TFPI: variants seen among roughly 807,000 people sequenced by gnomAD.
The protein encoded by TFPI is anti-convertin.
TFPI carries 15 observed loss-of-function variants against 34.6 expected under a neutral mutation model. That is an observed-to-expected ratio of 0.43 (90% CI 0.29 to 0.67). The LOEUF is 0.67. TFPI is among the 30% of genes least tolerant of loss of function. The pLI, the probability that TFPI is intolerant of heterozygous loss-of-function variation, is 0.15. For synonymous variants in TFPI, 105 were observed against 120.1 expected, an observed-to-expected ratio of 0.87 and a Z score of 0.82; for missense variants, 301 against 364.0, an observed-to-expected ratio of 0.83 and a Z score of 1.41.
Position 187,467,106 on chromosome 2 carries a change from A to G in TFPI, c.809-64T>C, listed in dbSNP as rs1341112503. On this transcript the variant is annotated intron_variant, in intron 7 of 7. Coordinates refer to ENST00000233156, the MANE Select transcript of TFPI (RefSeq NM_006287.6). Reference sequence around the variant, plus strand: ...TAACACAATGAAATGTTTTATCTAAAATCTTCTCAAAGTAACTTTTAATAT... The same window carrying G: ...TAACACAATGAAATGTTTTATCTAAGATCTTCTCAAAGTAACTTTTAATAT... 2.8e-6 allele frequency: 3 copies of G among 1,083,474 alleles called. No individual in the cohort carries two copies. In the African/African-American group the frequency reaches 4.9e-5, roughly 18 times the overall value. The allele number at this position is 1,083,474 out of a possible 1,614,324, so 67.1% of individuals were successfully genotyped here.
At chr2:187,485,248 A>T (rs898499786) in intron 4 of TFPI, among the ~76,000 whole-genome samples, 1 of 151,758 alleles carries the variant, frequency 6.6e-6, no homozygotes, top group Non-Finnish European at 1.5e-5. Context: ...GGAATAAAAG[A>T]TTATTTTACC....
At chr2:187,478,842 A>G (rs199893386) in intron 6 of TFPI, 8 of 1,541,784 alleles carry the variant, frequency 5.2e-6, no homozygotes, top group Non-Finnish European at 7.2e-6. Context: ...AATGTGAGTC[A>G]TCTTTATATG....
At chr2:187,545,430 A>G (rs1688808506) in intron 1 of TFPI, among the ~76,000 whole-genome samples, 1 of 152,232 alleles carries the variant, frequency 6.6e-6, no homozygotes, top group Admixed American at 6.5e-5. Flanking sequence ...AAACAATCAT[A>G]GAAATAAGTA....
At chr2:187,545,132 G>T (rs6749781) in intron 1 of TFPI, among the ~76,000 whole-genome samples, 27,571 of 152,022 alleles carry the variant, frequency 0.18, 2,992 homozygotes, top group East Asian at 0.31. Context: ...AAAAGAAAAA[G>T]AAAAATAATT....
At position 187,465,710 on chromosome 2, in the gene TFPI, AAGC is replaced by A. The variant is rs1691690293; in HGVS notation, c.*1223_*1225del. The A allele has an allele frequency of 7.3e-6, 1 of 137,376 alleles. No individual in the cohort carries two copies. The highest frequency in any genetic ancestry group is 1.7e-5 in the Non-Finnish European group (1 of 60,060). 8.5% of individuals were successfully genotyped at this position (137,376 alleles called of 1,614,324 possible). A position where few individuals can be genotyped will look rare whatever the true frequency, so the allele number is the denominator to read the frequency against. ...CTATCATTGTTAGCGAGAAGTCATG[AAGC>A]TATTCATGAAGCTATTCATGAAGCT... is the stretch of plus-strand genomic sequence containing the variant. On this transcript the variant is annotated 3_prime_UTR_variant, in exon 8 of 8. Coordinates refer to ENST00000233156, the MANE Select transcript of TFPI (RefSeq NM_006287.6).
chr2:187,479,584 T>C (rs1025225855), intron 6 of TFPI, among the ~76,000 whole-genome samples: 13 of 132,530 alleles, frequency 9.8e-5, no homozygotes, highest in Non-Finnish European at 1.5e-4. Context: ...TATATATATA[T>C]ATATATGATT....
intron 1 of TFPI, among the ~76,000 whole-genome samples, chr2:187,534,084 C>T (rs1341841527): frequency 1.3e-5 from 2 of 152,014 alleles, no homozygotes; most frequent in Admixed American, 6.6e-5. Flanking sequence ...AGACCAAACC[C>T]ACATTTGATT....
intron 2 of TFPI, among the ~76,000 whole-genome samples, chr2:187,499,195 A>C (rs1685685949): frequency 6.6e-6 from 1 of 151,902 alleles, no homozygotes; most frequent in South Asian, 2.1e-4. Flanking sequence ...TTGCTTTAGA[A>C]GGTCTCTCAG....
chr2:187,482,343 TATA>T (rs1435969407), intron 6 of TFPI, among the ~76,000 whole-genome samples: 4 of 151,998 alleles, frequency 2.6e-5, no homozygotes, highest in African/African-American at 4.8e-5. Flanking sequence ...CTTTTGAAAA[TATA>T]ATAACTGAAT....
intron 1 of TFPI, chr2:187,526,795 G>A (rs1446204806): frequency 6.6e-6 from 1 of 151,806 alleles, no homozygotes; most frequent in Non-Finnish European, 1.5e-5. Flanking sequence ...ACTTTGCCAT[G>A]TCTAAAAGAA....
chr2:187,546,993 T>G (rs1331977042), intron 1 of TFPI: 2 of 152,234 alleles, frequency 1.3e-5, no homozygotes, highest in East Asian at 3.8e-4. Context: ...TTTAAAAATT[T>G]TTAAGGATTA....
intron 2 of TFPI, among the ~76,000 whole-genome samples, chr2:187,498,929 C>T (rs1452252898): frequency 6.6e-6 from 1 of 151,832 alleles, no homozygotes; most frequent in African/African-American, 2.4e-5. Flanking sequence ...ATTTGTGTGT[C>T]TTCAAATTTT....
intron 1 of TFPI, among the ~76,000 whole-genome samples, chr2:187,522,337 G>C (rs530334779): frequency 1.3e-5 from 2 of 152,072 alleles, no homozygotes; most frequent in African/African-American, 4.8e-5. Context: ...TACATTTTCA[G>C]GTAGTAACTA....
At chr2:187,552,444 C>T (rs924775089) in intron 1 of TFPI, among the ~76,000 whole-genome samples, 3 of 151,952 alleles carry the variant, frequency 2.0e-5, no homozygotes, top group Admixed American at 6.6e-5. Context: ...GAGTTTATTA[C>T]AAAATATGTT....
chr2:187,535,874 G>C (rs982683270), intron 1 of TFPI, among the ~76,000 whole-genome samples: 2 of 152,008 alleles, frequency 1.3e-5, no homozygotes, highest in African/African-American at 4.8e-5. Context: ...GAATCAAATA[G>C]ACACAATACA....
chr2:187,533,782 A>G (rs780261259), intron 1 of TFPI, among the ~76,000 whole-genome samples: 4 of 152,248 alleles, frequency 2.6e-5, no homozygotes, highest in African/African-American at 4.8e-5. Flanking sequence ...CTAAGGGAGC[A>G]TGTTCTAACC....
chr2:187,491,163 T>C (rs1331618789), intron 3 of TFPI, among the ~76,000 whole-genome samples: 1 of 152,030 alleles, frequency 6.6e-6, no homozygotes, highest in African/African-American at 2.4e-5. Flanking sequence ...TTTTTTTCTC[T>C]TTCAGTTCTT....
intron 1 of TFPI, 78 bp from the exon 2 acceptor site, chr2:187,503,848 G>A: frequency 4.0e-6 from 6 of 1,494,840 alleles, no homozygotes; most frequent in Non-Finnish European, 5.5e-6. Flanking sequence ...AACATCATAT[G>A]TGTACCTCAT....
At chr2:187,512,702 A>G (rs771998535) in intron 1 of TFPI, among the ~76,000 whole-genome samples, 3 of 152,276 alleles carry the variant, frequency 2.0e-5, no homozygotes, top group Non-Finnish European at 2.9e-5. Flanking sequence ...TAGACAGTCT[A>G]GTCCACAGAC....
Sources: gnomAD v4.1 joint callset for allele counts (sites outside exome capture counted in the v4.1 genomes callset) on GRCh38, gnomAD v4.1.1 for gene constraint, MANE v1.5 for transcripts, NCBI Gene and HGNC (gene_info 2026-07-23, HGNC 2026-07-21) for gene names.